Variants in LRFN2 observed in about 807,000 individuals in gnomAD.
LRFN2 encodes the protein leucine-rich repeat and fibronectin type-III domain-containing protein 2.
LRFN2 carries 18 observed loss-of-function variants against 37.3 expected under a neutral mutation model. The ratio of observed to expected loss-of-function variants is 0.48; its 90% CI spans 0.33 to 0.72. The LOEUF is 0.72. Ranked by LOEUF, LRFN2 falls within the 30% of genes least tolerant of loss-of-function variation. The pLI is 0.02. For missense variants in LRFN2, 1,006 were observed against 1,060.7 expected, an observed-to-expected ratio of 0.95 and a Z score of 0.72; for synonymous variants, 556 against 466.6, an observed-to-expected ratio of 1.19 and a Z score of -2.47.
chr6:40,393,403 C>T (rs28710320), intron 2 of LRFN2, among the ~76,000 whole-genome samples: 15,261 of 151,236 alleles, frequency 0.1, 1,146 homozygotes, highest in East Asian at 0.31. Context: ...CACAAAAACA[C>T]AATGAGTATG....
intron 1 of LRFN2, among the ~76,000 whole-genome samples, chr6:40,461,386 T>A (rs977157605): frequency 5.9e-5 from 9 of 151,910 alleles, no homozygotes; most frequent in Non-Finnish European, 1.3e-4. Context: ...CCAGCCTGGG[T>A]GATAGAGTGA....
chr6:40,497,873 T>C (rs1765272405), intron 1 of LRFN2, among the ~76,000 whole-genome samples: 1 of 152,152 alleles, frequency 6.6e-6, no homozygotes. Context: ...AGGGGATTCT[T>C]AGAAGGCTAG....
At chr6:40,421,305 A>C (rs542166894) in intron 2 of LRFN2, among the ~76,000 whole-genome samples, 1 of 152,356 alleles carries the variant, frequency 6.6e-6, no homozygotes, top group East Asian at 1.9e-4. Flanking sequence ...GGTTAAGGAC[A>C]TGCCCATGAT....
chr6:40,564,409 A>G (rs1199263328), intron 1 of LRFN2, among the ~76,000 whole-genome samples: 2 of 152,194 alleles, frequency 1.3e-5, no homozygotes, highest in African/African-American at 4.8e-5. Context: ...CATAGAGTTT[A>G]CAATCGAACC....
At chr6:40,396,936 A>G (rs1271788266) in intron 2 of LRFN2, among the ~76,000 whole-genome samples, 1 of 152,062 alleles carries the variant, frequency 6.6e-6, no homozygotes, top group African/African-American at 2.4e-5. Flanking sequence ...ATCTCCTACA[A>G]CCCTCTGAGG....
intron 1 of LRFN2, among the ~76,000 whole-genome samples, chr6:40,541,332 T>C (rs2473582): frequency 0.045 from 6,821 of 152,270 alleles, 512 homozygotes; most frequent in African/African-American, 0.15. Flanking sequence ...CTGTCCATTT[T>C]CAGTCGCCTC....
intron 2 of LRFN2, among the ~76,000 whole-genome samples, chr6:40,421,182 T>C (rs764262823): frequency 6.6e-6 from 1 of 152,226 alleles, no homozygotes; most frequent in Non-Finnish European, 1.5e-5. Context: ...CCTGACTCCA[T>C]GGAGCTCCCA....
rs773221543 is a variant in LRFN2, at chr6:40,432,883, C to T, written c.231G>A (p.Gly77=). The T allele has an allele frequency of 4.3e-6, 7 of 1,614,122 alleles. No homozygotes were observed. The Admixed American group carries it at 8.3e-5, about 19-fold the overall frequency. ...TCCTGGACAGGGTCAGGTCCACCAG[C>T]CCCGTCATGTTGGCAAAGTCCTGGC... The part of the protein sequence containing the change: ...ISRQDFANMT[G]LVDLTLSRNT... The change falls in exon 2 of 3, where the codon GGG becomes GGA. Residue 77 remains glycine (G), a synonymous_variant. Transcript: ENST00000338305.
In LRFN2 at chr6:40,456,439, G is replaced by C. The variant is rs566353000; in HGVS notation, c.-18-23308C>G. Among the ~76,000 whole-genome samples the C allele has an allele frequency of 2.8e-4, 43 of 152,320 alleles. No homozygotes were observed. The East Asian group carries it at 6.2e-3, about 22-fold the overall frequency. ...AGACCCAGGTATGTCGATGACATGTGTTTCCTAAGCCTGAAGTAGCCTACT... is the reference window on the plus strand; with the variant it reads ...AGACCCAGGTATGTCGATGACATGTCTTTCCTAAGCCTGAAGTAGCCTACT... On this transcript the variant is annotated intron_variant, in intron 1 of 2. Coordinates refer to ENST00000338305, the MANE Select transcript of LRFN2 (RefSeq NM_020737.3).
At chr6:40,515,920 C>T (rs866937733) in intron 1 of LRFN2, among the ~76,000 whole-genome samples, 208 of 147,098 alleles carry the variant, frequency 1.4e-3, no homozygotes, top group African/African-American at 4.6e-3. Context: ...AAAAAGAAGT[C>T]TTCAACCATT....
chr6:40,548,615 G>C (rs910558954), intron 1 of LRFN2, among the ~76,000 whole-genome samples: 32 of 152,140 alleles, frequency 2.1e-4, no homozygotes, highest in Non-Finnish European at 3.8e-4. Context: ...GGAGCTATGT[G>C]GTCCTGGAAG....
chr6:40,465,864 G>A (rs1764449605), intron 1 of LRFN2, among the ~76,000 whole-genome samples: 3 of 152,168 alleles, frequency 2.0e-5, no homozygotes, highest in Admixed American at 1.3e-4. Flanking sequence ...ACTTGCCACT[G>A]CTGCCCTCAG....
intron 1 of LRFN2, among the ~76,000 whole-genome samples, chr6:40,526,607 G>A (rs962935651): frequency 1.1e-4 from 16 of 152,146 alleles, no homozygotes; most frequent in Admixed American, 9.8e-4. Context: ...TCTGTCCACT[G>A]TGAGGGCTAG....
At chr6:40,580,384 C>T (rs1767377032) in intron 1 of LRFN2, among the ~76,000 whole-genome samples, 1 of 152,046 alleles carries the variant, frequency 6.6e-6, no homozygotes, top group Non-Finnish European at 1.5e-5. Flanking sequence ...TCTGGTCACC[C>T]TTTGTCTGTG....
At chr6:40,556,461 G>C (rs1561906609) in intron 1 of LRFN2, among the ~76,000 whole-genome samples, 1 of 152,186 alleles carries the variant, frequency 6.6e-6, no homozygotes, top group Non-Finnish European at 1.5e-5. Flanking sequence ...CAGAGGAAAG[G>C]GAAGGGGAGA....
chr6:40,435,052 T>TATATAGAGAGAG (rs1482968698), intron 1 of LRFN2, among the ~76,000 whole-genome samples: 22 of 37,538 alleles, frequency 5.9e-4, no homozygotes, highest in Admixed American at 8.7e-4. Context: ...TATATATATA[T>TATATAGAGAGAG]AGAGAGAGAG....
intron 1 of LRFN2, among the ~76,000 whole-genome samples, chr6:40,496,125 C>A (rs58238437): frequency 6.6e-6 from 1 of 152,118 alleles, no homozygotes; most frequent in East Asian, 1.9e-4. Flanking sequence ...CCTCTCACAC[C>A]AAAGAGCCCA....
At position 40,453,799 on chromosome 6, in the gene LRFN2, C is replaced by T. The variant is rs72863722; in HGVS notation, c.-18-20668G>A. Among the ~76,000 whole-genome samples, 298 of 152,242 alleles carry T rather than the reference C, an allele frequency of 2.0e-3. 2 individuals are homozygous for T. The highest frequency in any genetic ancestry group is 3.6e-3 in the Non-Finnish European group (246 of 68,028). On this transcript the variant is annotated intron_variant, in intron 1 of 2. Transcript: ENST00000338305. Reference sequence around the variant, plus strand: ...AGGATCAGTAAGTCACTGATACTGACGACTCTCTACAACAAACTAATTTCA... The same window carrying T: ...AGGATCAGTAAGTCACTGATACTGATGACTCTCTACAACAAACTAATTTCA...
intron 1 of LRFN2, among the ~76,000 whole-genome samples, chr6:40,529,716 C>T (rs1766313972): frequency 6.6e-6 from 1 of 152,186 alleles, no homozygotes; most frequent in African/African-American, 2.4e-5. Context: ...TTAGCTGAGA[C>T]ACTTCAGCCA....
Sources: allele counts gnomAD v4.1 joint callset (sites outside exome capture counted in the v4.1 genomes callset), GRCh38; gene constraint gnomAD v4.1.1; transcripts MANE v1.5; gene names NCBI Gene and HGNC (gene_info 2026-07-23, HGNC 2026-07-21).